The following PCDHA8 variants were observed in gnomAD, a reference collection of about 807,000 sequenced individuals.
PCDHA8 encodes the protein protocadherin alpha-8.
A neutral mutation model predicts 61.8 loss-of-function variants in PCDHA8; 53 were observed. The observed-to-expected ratio is 0.86, with a 90% confidence interval of 0.69 to 1.08. PCDHA8 has a LOEUF of 1.08. Among genes scored for constraint, PCDHA8 ranks in the 50% least tolerant of loss-of-function variants. The pLI is 0.00. For missense variants in PCDHA8, 1,293 were observed against 1,245.0 expected, an observed-to-expected ratio of 1.04 and a Z score of -0.58; for synonymous variants, 618 against 556.6, an observed-to-expected ratio of 1.11 and a Z score of -1.55.
Position 140,841,358 on chromosome 5 carries a change from C to T in PCDHA8, c.37C>T (p.Arg13Ter), listed in dbSNP as rs2150314140. 4 of 1,612,986 alleles carry T rather than the reference C, an allele frequency of 2.5e-6. No individual in the cohort carries two copies. In the South Asian group the frequency reaches 4.4e-5, roughly 18 times the overall value. ...YHWRGELGSW[R>*]LLLLLLLLAA... ...CTGGCGAGGAGAGCTGGGATCCTGG[C>T]GACTACTACTCTTGCTTCTGCTCCT... The change falls in exon 1 of 4, where the codon CGA (arginine) becomes TGA (stop). Residue 13 changes from arginine (R) to a stop codon, truncating the protein, a stop_gained. Transcript: ENST00000531613. LOFTEE classifies it high-confidence loss of function.
intron 1 of PCDHA8, chr5:140,863,161 C>T (rs1554157875): frequency 3.1e-6 from 2 of 650,330 alleles, no homozygotes; most frequent in East Asian, 4.4e-5. Flanking sequence ...CCACTGCGAG[C>T]TGGCGCTGAC....
intron 1 of PCDHA8, among the ~76,000 whole-genome samples, chr5:140,941,202 C>CCTTTCTTCCTTTCTTTCTTTCTTTCTTT (rs1394736170): frequency 6.0e-4 from 74 of 122,806 alleles, no homozygotes; most frequent in Middle Eastern, 4.2e-3. Flanking sequence ...TTTCTTTCTT[C>CCTTTCTTCCTTTCTTTCTTTCTTTCTTT]CTTTCTTTCT....
rs116001450 is a variant in PCDHA8 at position 140,876,617 on chromosome 5, A to G, written c.2394+32902A>G. 182 of 1,614,178 alleles carry G rather than the reference A, an allele frequency of 1.1e-4. No individual in the cohort carries two copies. The African/African-American group carries it at 2.3e-3, about 20-fold the overall frequency. ...GTGTCGGATCGTGACTCTGGAGCCAATGGACAGGTCATCTGCTCACTGACA... is the reference window on the plus strand; with the variant it reads ...GTGTCGGATCGTGACTCTGGAGCCAGTGGACAGGTCATCTGCTCACTGACA... On this transcript the variant is annotated intron_variant, in intron 1 of 3. Transcript: ENST00000531613.
At chr5:140,983,470 A>G (rs782117929) in intron 3 of PCDHA8, among the ~76,000 whole-genome samples, 16 of 152,224 alleles carry the variant, frequency 1.1e-4, no homozygotes, top group Non-Finnish European at 1.5e-4. Context: ...CATCATGATG[A>G]TAATAGTAGT....
chr5:140,846,369 CTTTCTTTTTTT>C (rs1554141260), intron 1 of PCDHA8, among the ~76,000 whole-genome samples: 1 of 102,192 alleles, frequency 9.8e-6, no homozygotes, highest in Admixed American at 1.1e-4. Context: ...TCTTTTCTTT[CTTTCTTTTTTT>C]TTTTTTTTTT....
chr5:140,989,948 C>T (rs1046056940), intron 3 of PCDHA8, among the ~76,000 whole-genome samples: 2 of 151,988 alleles, frequency 1.3e-5, no homozygotes, highest in Admixed American at 6.6e-5. Context: ...ACGTTTTTCT[C>T]GGTGAGACCA....
chr5:140,917,442 G>C (rs186885625), intron 1 of PCDHA8, among the ~76,000 whole-genome samples: 5 of 152,072 alleles, frequency 3.3e-5, no homozygotes, highest in Admixed American at 3.3e-4. Flanking sequence ...TGTTTTTGCT[G>C]CAAGAGCGTT....
chr5:140,880,851 A>T lies in PCDHA8; in HGVS notation c.2394+37136A>T, dbSNP rs577713176. 2.0e-5 allele frequency among the ~76,000 whole-genome samples: 3 copies of T among 152,322 alleles called. No individual in the cohort carries two copies. In the South Asian group the frequency reaches 6.2e-4, roughly 32 times the overall value. On this transcript the variant is annotated intron_variant, in intron 1 of 3. Coordinates refer to ENST00000531613, the MANE Select transcript of PCDHA8 (RefSeq NM_018911.3). The stretch of plus-strand genomic sequence containing the variant: ...GCATATTTTAAATGGTTGACTATGT[A>T]GTCTAATTATGTGAAGAGGTAAATA...
At chr5:140,857,699 C>T (rs1554150537) in intron 1 of PCDHA8, 1 of 1,597,158 alleles carries the variant, frequency 6.3e-7, no homozygotes, top group East Asian at 2.2e-5. Flanking sequence ...CTTGACGCTG[C>T]AGGTGTTCGT....
At chr5:140,875,265 T>G in intron 1 of PCDHA8, 1 of 1,201,060 alleles carries the variant, frequency 8.3e-7, no homozygotes, top group Non-Finnish European at 1.1e-6. Context: ...GATGTCGCTC[T>G]ACACTCAGAA....
chr5:141,008,526 G>A (rs2153997518), intron 3 of PCDHA8, among the ~76,000 whole-genome samples: 1 of 152,126 alleles, frequency 6.6e-6, no homozygotes, highest in Non-Finnish European at 1.5e-5. Flanking sequence ...TCAGACTCTT[G>A]GGAATGTCTT....
chr5:140,941,251 CTTTCTCTT>C (rs1456097006), intron 1 of PCDHA8, among the ~76,000 whole-genome samples: 2 of 121,786 alleles, frequency 1.6e-5, no homozygotes, highest in Non-Finnish European at 3.5e-5. Context: ...TTCTTTCTTT[CTTTCTCTT>C]TCTTTCTTTC....
chr5:140,842,932 G>A lies in PCDHA8; in HGVS notation c.1611G>A (p.Ala537=). The A allele has an allele frequency of 1.3e-6, 2 of 1,594,566 alleles. No individual in the cohort carries two copies. Among genetic ancestry groups the A allele is most frequent in the East Asian group, 2.2e-5 (1 of 44,814 alleles). ...AGCTGCTGCAGTTCCAGGTGAGCGC[G>A]CGCGACGCGGGCGTGCCGCCTCTGG... ...ELELLQFQVS[A]RDAGVPPLGS... Residue 537 remains alanine, a synonymous_variant, in exon 1 of 4, where the codon GCG becomes GCA. Transcript: ENST00000531613.
chr5:140,928,334 C>CT, intron 1 of PCDHA8: 1 of 1,614,158 alleles, frequency 6.2e-7, no homozygotes, highest in Non-Finnish European at 8.5e-7. Flanking sequence ...GGCCTTGTCT[C>CT]TTATGAGCTG....
At chr5:140,887,135 C>T (rs2061323683) in intron 1 of PCDHA8, among the ~76,000 whole-genome samples, 1 of 150,802 alleles carries the variant, frequency 6.6e-6, no homozygotes, top group Non-Finnish European at 1.5e-5. Context: ...CTCACTCTGT[C>T]GCCCAGGCTG....
intron 1 of PCDHA8, chr5:140,869,019 A>G: frequency 1.3e-6 from 2 of 1,525,464 alleles, no homozygotes; most frequent in Non-Finnish European, 8.8e-7. Flanking sequence ...CTTCTTAAGA[A>G]TTCAACGAGA....
At chr5:140,883,920 T>C in intron 1 of PCDHA8, 1 of 1,613,492 alleles carries the variant, frequency 6.2e-7, no homozygotes, top group Non-Finnish European at 8.5e-7. Flanking sequence ...AACGTGACGC[T>C]GCAGGTGTTC....
chr5:140,847,482 A>G (rs1283020613), intron 1 of PCDHA8: 1 of 149,956 alleles, frequency 6.7e-6, no homozygotes, highest in Non-Finnish European at 1.5e-5. Flanking sequence ...TTGGAATAAG[A>G]TAGTAAAACT....
chr5:140,869,476 G>C (rs530490517), intron 1 of PCDHA8: 71 of 1,614,076 alleles, frequency 4.4e-5, no homozygotes, highest in Non-Finnish European at 5.9e-5. Context: ...GGAGGTGAAG[G>C]ACATTAACGA....
Sources: gnomAD v4.1 joint callset for allele counts (sites outside exome capture counted in the v4.1 genomes callset) on GRCh38, gnomAD v4.1.1 for gene constraint, MANE v1.5 for transcripts, NCBI Gene and HGNC (gene_info 2026-07-23, HGNC 2026-07-21) for gene names.